The following CLIP1 variants were observed in gnomAD, a reference collection of about 807,000 sequenced individuals.
The protein encoded by CLIP1 is CAP-Gly domain containing linker protein 1.
Under a neutral mutation model 161.6 loss-of-function variants are expected in CLIP1, and 66 were observed. The observed-to-expected ratio is 0.41, with a 90% CI of 0.33 to 0.50. CLIP1 has a LOEUF of 0.50. CLIP1 is among the 20% of genes least tolerant of loss of function. The pLI is 0.27. For synonymous variants in CLIP1, 598 were observed against 626.2 expected, an observed-to-expected ratio of 0.96 and a Z score of 0.67; for missense variants, 1,376 against 1,702.0, an observed-to-expected ratio of 0.81 and a Z score of 3.37.
chr12:122,351,653 A>G (rs1463891210), intron 8 of CLIP1, among the ~76,000 whole-genome samples: 2 of 152,174 alleles, frequency 1.3e-5, no homozygotes, highest in Non-Finnish European at 2.9e-5. Context: ...AAAACTGCAT[A>G]TTTGGGAAAC....
At chr12:122,417,491 A>G (rs1007283129) in intron 1 of CLIP1, among the ~76,000 whole-genome samples, 1 of 149,558 alleles carries the variant, frequency 6.7e-6, no homozygotes, top group African/African-American at 2.5e-5. Context: ...TTTTTTAAAA[A>G]GGCATAAAAT....
chr12:122,410,631 G>A (rs186892341), intron 1 of CLIP1, among the ~76,000 whole-genome samples: 11 of 151,780 alleles, frequency 7.2e-5, no homozygotes, highest in Admixed American at 3.3e-4. Flanking sequence ...GCTAATTTTC[G>A]TATTTTTAGT....
chr12:122,421,996 C>G (rs1429558792), intron 1 of CLIP1, among the ~76,000 whole-genome samples: 1 of 152,202 alleles, frequency 6.6e-6, no homozygotes, highest in Non-Finnish European at 1.5e-5. Context: ...AAAACAAAAG[C>G]CGGGGCAGCG....
Position 122,341,631 on chromosome 12 carries a change from C to T in CLIP1, c.1573G>A (p.Glu525Lys). The T allele has an allele frequency of 6.2e-7, 1 of 1,612,970 alleles. No individual in the cohort carries two copies. The highest frequency in any genetic ancestry group is 2.2e-5 in the East Asian group (1 of 44,886). ...LEKDLALRVQ[E>K]VAELRRRLES... is the part of the protein sequence containing the mutation. ...AGCCTTCTTCGGAGCTCAGCTACTT[C>T]CTGTACTCTCAATGCTAGGTCTTTC... The change falls in exon 11 of 26, where the codon GAA becomes AAA. Residue 525 changes from glutamate to lysine, a missense_variant. This residue lies in a region of CLIP1 where 948 missense variants were observed against 1,134.8 expected (regional missense o/e 0.84). Transcript: ENST00000620786.
At position 122,364,031 on chromosome 12, in the gene CLIP1, T is replaced by G; in HGVS notation, c.734A>C (p.Glu245Ala). The change falls in exon 4 of 26, where the codon GAG (glutamate) becomes GCG (alanine). Residue 245 changes from glutamate to alanine, a missense_variant. Glu to Ala is a moderately radical substitution (Grantham distance 107). This residue lies in a region of CLIP1 where 211 missense variants were observed against 295.1 expected (regional missense o/e 0.72). Transcript: ENST00000620786. ...ATTCTTCCCAAGTGGCTCATCTAAC[T>G]CCACGCCACACCACTCCCCCTTGGC... is the stretch of plus-strand genomic sequence containing the variant. ...DFAKGEWCGVELDEPLGKNDG... is the reference protein window; with the variant it reads ...DFAKGEWCGVALDEPLGKNDG... 1 of 1,614,068 alleles carries G rather than the reference T, an allele frequency of 6.2e-7. No homozygotes were observed. Among genetic ancestry groups the G allele is most frequent in the Non-Finnish European group, 8.5e-7 (1 of 1,180,026 alleles).
intron 3 of CLIP1, among the ~76,000 whole-genome samples, chr12:122,370,407 T>C (rs1192989460): frequency 6.6e-6 from 1 of 152,114 alleles, no homozygotes; most frequent in Non-Finnish European, 1.5e-5. Context: ...TGGAACAACT[T>C]CCGGTGCATA....
intron 10 of CLIP1, chr12:122,342,215 A>T (rs1593114561): frequency 6.6e-6 from 1 of 152,244 alleles, no homozygotes; most frequent in African/African-American, 2.4e-5. Flanking sequence ...AGTATCTCCA[A>T]TTCTAAAGAA....
chr12:122,408,634 T>C (rs1034301813), intron 1 of CLIP1, among the ~76,000 whole-genome samples: 1 of 151,844 alleles, frequency 6.6e-6, no homozygotes, highest in African/African-American at 2.4e-5. Context: ...AGGTGTGAGC[T>C]ACCGCGCCCA....
intron 20 of CLIP1, among the ~76,000 whole-genome samples, chr12:122,305,669 G>A (rs1401398458): frequency 2.0e-5 from 3 of 152,114 alleles, no homozygotes; most frequent in Non-Finnish European, 2.9e-5. Flanking sequence ...CTGTGAGGGT[G>A]TTGCTAAAGG....
intron 2 of CLIP1, 33 bp downstream of exon 2, chr12:122,380,335 T>C (rs889578989): frequency 2.8e-6 from 4 of 1,406,524 alleles, no homozygotes; most frequent in African/African-American, 2.9e-5. Context: ...AGTCTCCATA[T>C]AGGATAAGGA....
intron 17 of CLIP1, among the ~76,000 whole-genome samples, chr12:122,321,105 G>C (rs958591840): frequency 5.3e-5 from 8 of 151,958 alleles, no homozygotes; most frequent in Non-Finnish European, 1.2e-4. Flanking sequence ...TAAAGTTTAT[G>C]AAAATTCTGC....
At chr12:122,330,597 G>GTTTTTTTTTTTTGTTTTTTTT (rs376140195) in intron 15 of CLIP1, among the ~76,000 whole-genome samples, 3 of 101,404 alleles carry the variant, frequency 3.0e-5, no homozygotes, top group African/African-American at 1.3e-4. Context: ...GTATAATGCA[G>GTTTTTTTTTTTTGTTTTTTTT]TTTTTTTTTT....
In CLIP1 at chr12:122,361,174, G is replaced by T. The variant is rs764995960; in HGVS notation, c.790C>A (p.Gln264Lys). 1.9e-6 allele frequency: 3 copies of T among 1,611,236 alleles called. No individual in the cohort carries two copies. Among genetic ancestry groups the T allele is most frequent in the Non-Finnish European group, 2.5e-6 (3 of 1,177,896 alleles). The change falls in exon 5 of 26, where the codon CAG becomes AAG. Residue 264 changes from glutamine (Q) to lysine (K), a missense_variant. Physicochemically the swap from Gln to Lys is moderately conservative, Grantham distance 53. Around this residue, in one of 6 missense-constraint regions of CLIP1, gnomAD observed 211 missense variants for 295.1 expected, o/e 0.72. Coordinates refer to ENST00000620786, the MANE Select transcript of CLIP1 (RefSeq NM_001247997.2). ...AACAAGCCATATTTGGGTTGACACT[G>T]AAAATACCTTTAGAGAACAATAAGA... ...DGAVAGTRYF[Q>K]CQPKYGLFAP...
At chr12:122,359,628 T>C (rs374414046) in intron 5 of CLIP1, among the ~76,000 whole-genome samples, 2 of 152,346 alleles carry the variant, frequency 1.3e-5, no homozygotes, top group African/African-American at 4.8e-5. Context: ...TTCCTCTTTA[T>C]GCGCAAATGG....
intron 1 of CLIP1, among the ~76,000 whole-genome samples, chr12:122,391,568 A>G (rs928124541): frequency 2.0e-5 from 3 of 152,260 alleles, no homozygotes; most frequent in African/African-American, 7.2e-5. Flanking sequence ...CCTGGGGCAC[A>G]GAAGCGAGAC....
At chr12:122,376,101 C>T (rs569974306) in intron 3 of CLIP1, among the ~76,000 whole-genome samples, 1 of 152,138 alleles carries the variant, frequency 6.6e-6, no homozygotes, top group South Asian at 2.1e-4. Flanking sequence ...CCATGCCTGT[C>T]TAATTTTTGT....
At position 122,274,163 on chromosome 12, in the gene CLIP1, C is replaced by G; in HGVS notation, c.3967-1G>C. 1 of 1,588,550 alleles carries G rather than the reference C, an allele frequency of 6.3e-7. No individual in the cohort carries two copies. On this transcript the variant is annotated splice_acceptor_variant, in intron 24 of 25. Coordinates refer to ENST00000620786, the MANE Select transcript of CLIP1 (RefSeq NM_001247997.2). LOFTEE classifies it high-confidence loss of function. ...CTATTACTGAATTTAGGAAATCAAT[C>G]TGATTTGTTAAAAAAAAAATGTGTA... is the stretch of plus-strand genomic sequence containing the variant.
chr12:122,296,006 T>C (rs1332220805), intron 20 of CLIP1, among the ~76,000 whole-genome samples: 1 of 152,210 alleles, frequency 6.6e-6, no homozygotes, highest in Non-Finnish European at 1.5e-5. Context: ...ATAAATTGCA[T>C]CTCTTATAGA....
At chr12:122,273,562 CT>C in intron 25 of CLIP1, among the ~76,000 whole-genome samples, 1 of 151,758 alleles carries the variant, frequency 6.6e-6, no homozygotes, top group Middle Eastern at 3.4e-3. Flanking sequence ...CATTTAAAAT[CT>C]TCATGTCAAA....
Sources: gnomAD v4.1 joint callset for allele counts (sites outside exome capture counted in the v4.1 genomes callset) on GRCh38, gnomAD v4.1.1 for gene constraint, gnomAD v4.1.1 regional missense constraint, MANE v1.5 for transcripts, NCBI Gene and HGNC (gene_info 2026-07-23, HGNC 2026-07-21) for gene names.